Variants in GALNTL6 observed in about 807,000 individuals in gnomAD.
GALNTL6 encodes the protein polypeptide N-acetylgalactosaminyltransferase-like 6.
Under a neutral mutation model 73.7 loss-of-function variants are expected in GALNTL6, and 46 were observed. The ratio of observed to expected loss-of-function variants is 0.62; its 90% confidence interval spans 0.49 to 0.80. The LOEUF (loss-of-function observed/expected upper bound fraction) is 0.80, where lower values mean the gene tolerates loss of function less well. Ranked by LOEUF, GALNTL6 falls within the 30% of genes least tolerant of loss-of-function variation. The probability of loss-of-function intolerance (pLI) is 0.00; values close to 1 mark genes in which losing one functional copy is unlikely to be tolerated. For synonymous variants in GALNTL6, 259 were observed against 263.7 expected, an observed-to-expected ratio of 0.98 and a Z score of 0.17; for missense variants, 604 against 755.0, an observed-to-expected ratio of 0.80 and a Z score of 2.34.
intron 2 of GALNTL6, among the ~76,000 whole-genome samples, chr4:172,020,455 A>G (rs925149536): frequency 6.6e-6 from 1 of 152,000 alleles, no homozygotes; most frequent in Non-Finnish European, 1.5e-5. Flanking sequence ...CCAAATACAT[A>G]AAATCAGAGG....
At chr4:172,865,361 TAC>T (rs1295931491) in intron 7 of GALNTL6, among the ~76,000 whole-genome samples, 1 of 152,214 alleles carries the variant, frequency 6.6e-6, no homozygotes, top group Non-Finnish European at 1.5e-5. Flanking sequence ...ACCACAAGAC[TAC>T]AGTCCTGATA....
chr4:172,680,155 C>G (rs1468757516), intron 5 of GALNTL6, among the ~76,000 whole-genome samples: 1 of 152,098 alleles, frequency 6.6e-6, no homozygotes, highest in African/African-American at 2.4e-5. Context: ...GAGCCAGAAT[C>G]AGGACTGAGT....
At chr4:172,675,567 A>G (rs922775806) in intron 5 of GALNTL6, among the ~76,000 whole-genome samples, 2 of 152,192 alleles carry the variant, frequency 1.3e-5, no homozygotes, top group African/African-American at 4.8e-5. Flanking sequence ...CACAAGCAAG[A>G]ATGATTGCCC....
chr4:172,952,489 G>A (rs888885640), intron 10 of GALNTL6, among the ~76,000 whole-genome samples: 1 of 151,946 alleles, frequency 6.6e-6, no homozygotes, highest in Non-Finnish European at 1.5e-5. Flanking sequence ...TGATTCCCCA[G>A]ATGATTTTTG....
Position 172,069,366 on chromosome 4 carries a change from T to C in GALNTL6, c.139-160290T>C, listed in dbSNP as rs560044897. 5.1e-5 allele frequency among the ~76,000 whole-genome samples: 5 copies of C among 98,168 alleles called. 1 individual carries two copies. Among genetic ancestry groups the C allele is most frequent in the African/African-American group, 1.9e-4 (5 of 26,098 alleles). 64.4% of individuals were successfully genotyped at this position (98,168 alleles called of 152,430 possible). On this transcript the variant is annotated intron_variant, in intron 2 of 12. Coordinates refer to ENST00000506823, the MANE Select transcript of GALNTL6 (RefSeq NM_001034845.3). ...ACAAATCAATTATAAATATATGTAG[T>C]GTGTATATATATGTGTGTGTACATA...
At chr4:171,921,138 T>C (rs1737774414) in intron 2 of GALNTL6, among the ~76,000 whole-genome samples, 2 of 152,118 alleles carry the variant, frequency 1.3e-5, no homozygotes, top group South Asian at 4.1e-4. Flanking sequence ...TTTAATGCCT[T>C]TTTAGTTACA....
chr4:172,579,669 G>A (rs934960184), intron 5 of GALNTL6, among the ~76,000 whole-genome samples: 53 of 152,264 alleles, frequency 3.5e-4, no homozygotes, highest in African/African-American at 1.2e-3. Flanking sequence ...TTTGTAAATA[G>A]TCCTAGAAAG....
At chr4:171,876,362 A>T (rs1348348642) in intron 2 of GALNTL6, among the ~76,000 whole-genome samples, 1 of 152,248 alleles carries the variant, frequency 6.6e-6, no homozygotes, top group African/African-American at 2.4e-5. Context: ...TGAAATACAG[A>T]ACTATACAAA....
intron 2 of GALNTL6, among the ~76,000 whole-genome samples, chr4:172,202,573 T>TA (rs1325864929): frequency 6.6e-6 from 1 of 152,114 alleles, no homozygotes; most frequent in African/African-American, 2.4e-5. Context: ...GTAGAAAGAT[T>TA]AAAAAATAGC....
At chr4:172,610,745 A>T (rs1738494751) in intron 5 of GALNTL6, among the ~76,000 whole-genome samples, 1 of 152,012 alleles carries the variant, frequency 6.6e-6, no homozygotes, top group South Asian at 2.1e-4. Flanking sequence ...ATCTTTGTTA[A>T]TATTCTGCAT....
At chr4:172,230,233 A>C (rs1034672467) in intron 3 of GALNTL6, among the ~76,000 whole-genome samples, 6 of 152,148 alleles carry the variant, frequency 3.9e-5, no homozygotes, top group African/African-American at 1.4e-4. Context: ...CAATAGTTGG[A>C]AAAGCAATCA....
intron 2 of GALNTL6, among the ~76,000 whole-genome samples, chr4:172,123,321 T>C (rs1268211205): frequency 5.3e-5 from 8 of 152,104 alleles, no homozygotes; most frequent in African/African-American, 9.7e-5. Flanking sequence ...TACCCACACA[T>C]AGTTTCCAAA....
chr4:172,586,912 A>G (rs1379168365), intron 5 of GALNTL6, among the ~76,000 whole-genome samples: 1 of 152,162 alleles, frequency 6.6e-6, no homozygotes, highest in Non-Finnish European at 1.5e-5. Context: ...TTGACCTTCT[A>G]ATTTGGAAAA....
At chr4:172,865,752 C>T (rs1463943174) in intron 7 of GALNTL6, among the ~76,000 whole-genome samples, 1 of 152,182 alleles carries the variant, frequency 6.6e-6, no homozygotes, top group Non-Finnish European at 1.5e-5. Context: ...TCTCTCTTCT[C>T]TCCCTCATGA....
chr4:172,411,864 C>A (rs1744449655), intron 5 of GALNTL6, among the ~76,000 whole-genome samples: 1 of 151,962 alleles, frequency 6.6e-6, no homozygotes, highest in African/African-American at 2.4e-5. Context: ...GCGAGAAAAT[C>A]AGACAAAAAT....
At chr4:172,432,049 A>G in intron 5 of GALNTL6, among the ~76,000 whole-genome samples, 1 of 152,118 alleles carries the variant, frequency 6.6e-6, no homozygotes, top group East Asian at 1.9e-4. Context: ...TGTGATTTTT[A>G]AAAAATAAAA....
At position 172,599,478 on chromosome 4, in the gene GALNTL6, A is replaced by T. The variant is rs192959221; in HGVS notation, c.554-209883A>T. On this transcript the variant is annotated intron_variant, in intron 5 of 12. Transcript: ENST00000506823. ...AATAAAATCTGAGACCCTACTTGCCAGTTGTTATTAACAAACAGCCACTGG... is the reference window on the plus strand; with the variant it reads ...AATAAAATCTGAGACCCTACTTGCCTGTTGTTATTAACAAACAGCCACTGG... 3.0e-3 allele frequency among the ~76,000 whole-genome samples: 451 copies of T among 152,304 alleles called. 1 individual carries two copies. The highest frequency in any genetic ancestry group is 0.01 in the African/African-American group (431 of 41,578).
At chr4:172,970,463 G>A (rs1285947401) in intron 10 of GALNTL6, among the ~76,000 whole-genome samples, 5 of 152,112 alleles carry the variant, frequency 3.3e-5, no homozygotes, top group Admixed American at 6.6e-5. Context: ...TCTTTTCCTA[G>A]GGTCTTAATA....
rs147083659 is a variant in GALNTL6 at position 172,589,569 on chromosome 4, C to T, written c.554-219792C>T. The stretch of plus-strand genomic sequence containing the variant: ...CACCAATTGATCTAATGTCATAGTC[C>T]GTGCTTTTACCTCCCGAAAGGAACA... On this transcript the variant is annotated intron_variant, in intron 5 of 12. Transcript: ENST00000506823. Among the ~76,000 whole-genome samples, 6 of 152,284 alleles carry T rather than the reference C, an allele frequency of 3.9e-5. No individual in the cohort carries two copies. In the East Asian group the frequency reaches 5.8e-4, roughly 15 times the overall value.
Sources: allele counts gnomAD v4.1 joint callset (sites outside exome capture counted in the v4.1 genomes callset), GRCh38; gene constraint gnomAD v4.1.1; transcripts MANE v1.5; gene names NCBI Gene and HGNC (gene_info 2026-07-23, HGNC 2026-07-21).